Variants in DDAH1 observed in about 807,000 individuals in gnomAD.
DDAH1 encodes the protein N(G),N(G)-dimethylarginine dimethylaminohydrolase 1.
In DDAH1, 19 loss-of-function variants were observed where a neutral mutation model predicts 28.8. The ratio of observed to expected loss-of-function variants is 0.66; its 90% CI spans 0.46 to 0.97. DDAH1 has a LOEUF of 0.97. Among genes scored for constraint, DDAH1 ranks in the 50% least tolerant of loss-of-function variants. The probability of loss-of-function intolerance (pLI) is 0.00; values close to 1 mark genes in which losing one functional copy is unlikely to be tolerated. For missense variants in DDAH1, 326 were observed against 375.9 expected, an observed-to-expected ratio of 0.87 and a Z score of 1.10; for synonymous variants, 153 against 154.4, an observed-to-expected ratio of 0.99 and a Z score of 0.07.
chr1:85,486,070 C>A (rs1656194853), intron 2 of DDAH1, among the ~76,000 whole-genome samples: 1 of 152,120 alleles, frequency 6.6e-6, no homozygotes, highest in Non-Finnish European at 1.5e-5. Flanking sequence ...GTTGAGTTTG[C>A]CCTGCTGTCA....
rs771243433 is a variant in DDAH1 at position 85,358,847 on chromosome 1, C to T, written c.304G>A (p.Val102Ile). ...RPGAPSRRKE[V>I]DMMKEALEKL... ...TCTAATGCTTCTTTCATCATGTCAA[C>T]CTGTTGAAAATAAAATGATTCAGAT... The change falls in exon 2 of 6, where the codon GTT becomes ATT. Residue 102 changes from valine to isoleucine, a missense_variant and splice_region_variant. Coordinates refer to ENST00000284031, the MANE Select transcript of DDAH1 (RefSeq NM_012137.4). The T allele has an allele frequency of 6.3e-7, 1 of 1,589,556 alleles. No homozygotes were observed. Among genetic ancestry groups the T allele is most frequent in the Admixed American group, 1.8e-5 (1 of 54,942 alleles).
chr1:85,500,015 T>C (rs1656737060), intron 1 of DDAH1, among the ~76,000 whole-genome samples: 1 of 152,176 alleles, frequency 6.6e-6, no homozygotes, highest in Non-Finnish European at 1.5e-5. Context: ...GGTTTTTGCT[T>C]GGCAGTGTTT....
intron 1 of DDAH1, among the ~76,000 whole-genome samples, chr1:85,405,793 A>G (rs756618411): frequency 6.6e-6 from 1 of 152,220 alleles, no homozygotes; most frequent in African/African-American, 2.4e-5. Flanking sequence ...TCTCTGCAAG[A>G]AAGAATGCCA....
chr1:85,465,247 C>T (rs1199038618), upstream of DDAH1: 3 of 1,086,110 alleles, frequency 2.8e-6, no homozygotes, highest in South Asian at 1.4e-4. Flanking sequence ...GCGCGCATCC[C>T]GCGCGCCCAC....
intron 1 of DDAH1, among the ~76,000 whole-genome samples, chr1:85,409,701 T>G (rs1390982994): frequency 6.6e-6 from 1 of 152,218 alleles, no homozygotes; most frequent in Non-Finnish European, 1.5e-5. Flanking sequence ...CAAAGCAGGT[T>G]GCATTCACCT....
At chr1:85,449,587 T>C (rs934788912) in intron 1 of DDAH1, among the ~76,000 whole-genome samples, 2 of 151,970 alleles carry the variant, frequency 1.3e-5, no homozygotes, top group South Asian at 2.1e-4. Context: ...GAATGATGGA[T>C]TTAAAGTGCT....
At chr1:85,510,082 T>A (rs1657170430) in intron 1 of DDAH1, among the ~76,000 whole-genome samples, 1 of 151,976 alleles carries the variant, frequency 6.6e-6, no homozygotes, top group Admixed American at 6.6e-5. Flanking sequence ...GGAAAAAGTG[T>A]TAAGGGCAGC....
At chr1:85,497,022 T>C (rs1406952543) in intron 1 of DDAH1, among the ~76,000 whole-genome samples, 1 of 152,194 alleles carries the variant, frequency 6.6e-6, no homozygotes, top group Non-Finnish European at 1.5e-5. Context: ...GCTTCATTAA[T>C]TCAAAACAGA....
intron 1 of DDAH1, among the ~76,000 whole-genome samples, chr1:85,459,500 C>G (rs926915940): frequency 3.9e-5 from 6 of 152,024 alleles, no homozygotes; most frequent in African/African-American, 1.4e-4. Context: ...GTAGAAGAGT[C>G]AAAACAATAA....
At chr1:85,507,477 T>C (rs1005191493) in intron 1 of DDAH1, among the ~76,000 whole-genome samples, 19 of 150,970 alleles carry the variant, frequency 1.3e-4, no homozygotes, top group African/African-American at 4.6e-4. Context: ...TACTCCAGCC[T>C]AGGTGAAAAA....
chr1:85,334,702 T>G (rs233062), intron 4 of DDAH1, among the ~76,000 whole-genome samples: 52,883 of 152,042 alleles, frequency 0.35, 9,321 homozygotes, highest in South Asian at 0.4. Flanking sequence ...TTGTACAACC[T>G]GCAGAATTGT....
At position 85,338,062 on chromosome 1, in the gene DDAH1, C is replaced by G. The variant is rs149191597; in HGVS notation, c.597+12353G>C. On this transcript the variant is annotated intron_variant, in intron 4 of 5. Transcript: ENST00000284031. The stretch of plus-strand genomic sequence containing the variant: ...CTCCCCCAAACAGAGATCTGGGTTT[C>G]CTTCCTCTTGCCACTATTCCTTCTT... Among the ~76,000 whole-genome samples, 44 of 152,332 alleles carry G rather than the reference C, an allele frequency of 2.9e-4. No homozygotes were observed. In the East Asian group the frequency reaches 6.2e-3, roughly 21 times the overall value.
intron 1 of DDAH1, among the ~76,000 whole-genome samples, chr1:85,463,692 C>T (rs1036224425): frequency 6.6e-6 from 1 of 152,156 alleles, no homozygotes. Context: ...TTATCATAAG[C>T]TCTATGAGGC....
intron 1 of DDAH1, among the ~76,000 whole-genome samples, chr1:85,562,296 G>C (rs1659164180): frequency 6.6e-6 from 1 of 152,124 alleles, no homozygotes; most frequent in Non-Finnish European, 1.5e-5. Context: ...ATAAATACTT[G>C]AGGATATTTA....
At chr1:85,405,589 T>C (rs1387247934) in intron 1 of DDAH1, among the ~76,000 whole-genome samples, 1 of 151,716 alleles carries the variant, frequency 6.6e-6, no homozygotes, top group Non-Finnish European at 1.5e-5. Context: ...GCTCCGCATT[T>C]GGCTGGGAAA....
At chr1:85,357,908 G>A (rs781772924) in intron 2 of DDAH1, among the ~76,000 whole-genome samples, 3 of 152,194 alleles carry the variant, frequency 2.0e-5, no homozygotes, top group Non-Finnish European at 4.4e-5. Context: ...TGTAAAAACT[G>A]ACTCCAGTAA....
intron 1 of DDAH1, among the ~76,000 whole-genome samples, chr1:85,550,619 G>A (rs1658755593): frequency 6.6e-6 from 1 of 152,222 alleles, no homozygotes; most frequent in Non-Finnish European, 1.5e-5. Context: ...AATTAAGTGA[G>A]AGAGGCAGCA....
chr1:85,335,046 C>A (rs368360455), intron 4 of DDAH1, among the ~76,000 whole-genome samples: 1 of 151,988 alleles, frequency 6.6e-6, no homozygotes, highest in Non-Finnish European at 1.5e-5. Flanking sequence ...GGAAGTCCTA[C>A]GCCTGGAAGT....
At chr1:85,480,011 G>A (rs1010183771) in intron 2 of DDAH1, among the ~76,000 whole-genome samples, 3 of 152,182 alleles carry the variant, frequency 2.0e-5, no homozygotes, top group Non-Finnish European at 4.4e-5. Flanking sequence ...GCTCTCATAG[G>A]AACAACTATG....
Sources: allele counts gnomAD v4.1 joint callset (sites outside exome capture counted in the v4.1 genomes callset), GRCh38; gene constraint gnomAD v4.1.1; transcripts MANE v1.5; gene names NCBI Gene and HGNC (gene_info 2026-07-23, HGNC 2026-07-21).